The following SETBP1 variants were observed in gnomAD, a reference collection of about 807,000 sequenced individuals.
The protein encoded by SETBP1 is SET binding protein 1.
SETBP1 carries 9 observed loss-of-function variants against 101.0 expected under a neutral mutation model. The observed-to-expected ratio is 0.09, with a 90% CI of 0.05 to 0.16. SETBP1 has a LOEUF of 0.16. Among genes scored for constraint, SETBP1 ranks in the 10% least tolerant of loss-of-function variants. SETBP1 has a pLI of 1.00. For synonymous variants in SETBP1, 818 were observed against 788.5 expected, an observed-to-expected ratio of 1.04 and a Z score of -0.63; for missense variants, 1,858 against 2,033.8, an observed-to-expected ratio of 0.91 and a Z score of 1.66.
chr18:44,951,134 C>A lies in SETBP1; in HGVS notation c.1794C>A (p.Val598=). The change falls in exon 4 of 6, where the codon GTC becomes GTA. Residue 598 remains valine, a synonymous_variant. Coordinates refer to ENST00000649279, the MANE Select transcript of SETBP1 (RefSeq NM_015559.3). This position sits in a 1 kb window ranked among gnomAD's most constrained non-coding sequence, Gnocchi z 7.8. ...CAAAGAAGCAGCCTTTGCTCACAGT[C>A]GAGACGATTCATGAGGGAACTTCCA... is the stretch of plus-strand genomic sequence containing the variant. ...GRPKKQPLLT[V]ETIHEGTSTS... is the part of the protein sequence containing the mutation. 1 of 1,614,032 alleles carries A rather than the reference C, an allele frequency of 6.2e-7. No homozygotes were observed. The highest frequency in any genetic ancestry group is 8.5e-7 in the Non-Finnish European group (1 of 1,180,022).
chr18:45,063,179 G>A lies in SETBP1; in HGVS notation c.4272G>A (p.Lys1424=). The change falls in exon 6 of 6, where the codon AAG becomes AAA. Residue 1424 remains lysine (K), a synonymous_variant. Coordinates refer to ENST00000649279, the MANE Select transcript of SETBP1 (RefSeq NM_015559.3). ...MCNYTKILST[K]KNLDHVNKIL... is the part of the protein sequence containing the mutation. ...ACTACACCAAGATCCTGTCCACCAAGAAGAACCTGGACCACGTGAACAAGA... is the reference window on the plus strand; with the variant it reads ...ACTACACCAAGATCCTGTCCACCAAAAAGAACCTGGACCACGTGAACAAGA... 6.2e-7 allele frequency: 1 copy of A among 1,614,018 alleles called. No homozygotes were observed. The highest frequency in any genetic ancestry group is 8.5e-7 in the Non-Finnish European group (1 of 1,179,998).
chr18:44,889,793 G>A (rs2144776181), intron 3 of SETBP1, among the ~76,000 whole-genome samples: 1 of 152,220 alleles, frequency 6.6e-6, no homozygotes, highest in Middle Eastern at 3.4e-3. Flanking sequence ...GTCTATGTGG[G>A]GAAGCCCCAG....
At chr18:45,020,094 C>T (rs545671814) in intron 4 of SETBP1, among the ~76,000 whole-genome samples, 8 of 151,604 alleles carry the variant, frequency 5.3e-5, no homozygotes, top group Non-Finnish European at 1.0e-4. Context: ...CTCATATAAT[C>T]GTTTGGTCTT....
intron 2 of SETBP1, among the ~76,000 whole-genome samples, chr18:44,754,355 G>A (rs2070448590): frequency 6.6e-6 from 1 of 152,210 alleles, no homozygotes; most frequent in Non-Finnish European, 1.5e-5. Flanking sequence ...CTGTGTTTAT[G>A]AGAACTTAAA....
At chr18:44,902,572 A>G (rs1428245492) in intron 3 of SETBP1, among the ~76,000 whole-genome samples, 2 of 152,178 alleles carry the variant, frequency 1.3e-5, no homozygotes, top group East Asian at 3.9e-4. Flanking sequence ...TACTATGAAA[A>G]TGTAAAAAGA....
At chr18:45,004,566 T>C (rs930430640) in intron 4 of SETBP1, among the ~76,000 whole-genome samples, 2 of 152,204 alleles carry the variant, frequency 1.3e-5, no homozygotes, top group African/African-American at 4.8e-5. Context: ...ACTCTTCAGG[T>C]AAATGAAAAA....
At position 44,919,605 on chromosome 18, in the gene SETBP1, C is replaced by T. The variant is rs187958149; in HGVS notation, c.541-30276C>T. On this transcript the variant is annotated intron_variant, in intron 3 of 5. Coordinates refer to ENST00000649279, the MANE Select transcript of SETBP1 (RefSeq NM_015559.3). ...CCTCGTGATCCACCTGCCTCAGCCT[C>T]CCTAAGTGCTGGGATTACAGGTATG... 2.2e-4 allele frequency among the ~76,000 whole-genome samples: 34 copies of T among 152,170 alleles called. No individual in the cohort carries two copies. The East Asian group carries it at 6.4e-3, about 29-fold the overall frequency.
intron 4 of SETBP1, among the ~76,000 whole-genome samples, chr18:44,994,698 T>C (rs1773499732): frequency 6.6e-6 from 1 of 152,178 alleles, no homozygotes; most frequent in Non-Finnish European, 1.5e-5. Flanking sequence ...CAAAAGAAGA[T>C]TGTTATCCAA....
intron 1 of SETBP1, among the ~76,000 whole-genome samples, chr18:44,694,981 G>A (rs2068991677): frequency 6.6e-6 from 1 of 152,086 alleles, no homozygotes; most frequent in Admixed American, 6.5e-5. Flanking sequence ...AAAAGTGGAT[G>A]CATAAAGTAA....
At chr18:44,934,578 A>G (rs527530606) in intron 3 of SETBP1, among the ~76,000 whole-genome samples, 11 of 152,266 alleles carry the variant, frequency 7.2e-5, no homozygotes, top group Admixed American at 7.2e-4. Flanking sequence ...AAGATTTCCC[A>G]CTGTGTAGGA....
intron 2 of SETBP1, among the ~76,000 whole-genome samples, chr18:44,747,544 G>A (rs1021485634): frequency 6.6e-6 from 1 of 152,250 alleles, no homozygotes; most frequent in Non-Finnish European, 1.5e-5. Flanking sequence ...TCCAGAGCTT[G>A]CTCTACTTTT....
intron 5 of SETBP1, among the ~76,000 whole-genome samples, chr18:45,055,833 T>C (rs2073800405): frequency 6.6e-6 from 1 of 152,234 alleles, no homozygotes; most frequent in African/African-American, 2.4e-5. Context: ...AGTAGTTCTG[T>C]TTGCAAGGTA....
chr18:44,736,228 A>AT (rs397950444), intron 2 of SETBP1, among the ~76,000 whole-genome samples: 1 of 151,850 alleles, frequency 6.6e-6, no homozygotes, highest in African/African-American at 2.4e-5. Context: ...CTATAAAAAA[A>AT]GTTAGTCAGG....
intron 4 of SETBP1, among the ~76,000 whole-genome samples, chr18:44,976,783 C>T (rs1276581156): frequency 6.6e-6 from 1 of 152,102 alleles, no homozygotes; most frequent in East Asian, 1.9e-4. Context: ...TACAGAGAGG[C>T]ATAGATGTGT....
intron 4 of SETBP1, among the ~76,000 whole-genome samples, chr18:44,954,692 A>C (rs573231956): frequency 3.9e-5 from 6 of 152,340 alleles, no homozygotes; most frequent in African/African-American, 1.4e-4. Flanking sequence ...ACCAATTAGC[A>C]GTCACATCTC....
chr18:44,836,793 A>G (rs2144498488), intron 2 of SETBP1, among the ~76,000 whole-genome samples: 1 of 152,246 alleles, frequency 6.6e-6, no homozygotes, highest in East Asian at 1.9e-4. Context: ...CTCCAGCAAC[A>G]GTTTGGTTTT....
intron 4 of SETBP1, among the ~76,000 whole-genome samples, chr18:45,014,989 G>C (rs1398401137): frequency 6.6e-6 from 1 of 152,224 alleles, no homozygotes; most frequent in Non-Finnish European, 1.5e-5. Context: ...GCTTCAAACA[G>C]CCAGTGGGGT....
chr18:44,806,092 T>A (rs1218194531), intron 2 of SETBP1, among the ~76,000 whole-genome samples: 1 of 152,144 alleles, frequency 6.6e-6, no homozygotes. Context: ...TGAAGTACCA[T>A]GTGTGCATAC....
chr18:44,775,489 C>G (rs2070979013), intron 2 of SETBP1, among the ~76,000 whole-genome samples: 1 of 151,988 alleles, frequency 6.6e-6, no homozygotes, highest in East Asian at 1.9e-4. Flanking sequence ...GTTCTGGCTA[C>G]TTTTTTTTCT....
Sources: allele counts gnomAD v4.1 joint callset (sites outside exome capture counted in the v4.1 genomes callset), GRCh38; gene constraint gnomAD v4.1.1; non-coding constraint Gnocchi (gnomAD v3.1); transcripts MANE v1.5; gene names NCBI Gene and HGNC (gene_info 2026-07-23, HGNC 2026-07-21).